HLCS: variants seen among roughly 807,000 people sequenced by gnomAD.
HLCS encodes holocarboxylase synthetase.
Under a neutral mutation model 75.0 loss-of-function variants are expected in HLCS, and 53 were observed. The observed-to-expected ratio is 0.71, with a 90% confidence interval of 0.57 to 0.89. The LOEUF (loss-of-function observed/expected upper bound fraction) is 0.89. HLCS is among the 40% of genes least tolerant of loss of function. The probability of loss-of-function intolerance (pLI) is 0.00; values close to 1 mark genes in which losing one functional copy is unlikely to be tolerated. For synonymous variants in HLCS, 431 were observed against 428.6 expected (o/e 1.01, Z -0.07); for missense variants, 966 against 1,074.0 (o/e 0.90, Z 1.41).
At chr21:36,958,273 G>GAA in intron 2 of HLCS, among the ~76,000 whole-genome samples, 1 of 150,408 alleles carries the variant, frequency 6.6e-6, no homozygotes, top group Non-Finnish European at 1.5e-5. Flanking sequence ...AAGAAAGAAA[G>GAA]AAAATTAGCC....
At chr21:36,866,383 A>C (rs1167125882) in intron 6 of HLCS, among the ~76,000 whole-genome samples, 1 of 152,256 alleles carries the variant, frequency 6.6e-6, no homozygotes, top group African/African-American at 2.4e-5. Flanking sequence ...ATAATTAGGG[A>C]AATAGCCATT....
In HLCS at chr21:36,936,973, T is replaced by G. The variant is rs2066918950; in HGVS notation, c.913A>C (p.Thr305Pro). The G allele has an allele frequency of 1.2e-6, 2 of 1,614,096 alleles. No homozygotes were observed. Among genetic ancestry groups the G allele is most frequent in the South Asian group, 2.2e-5 (2 of 91,066 alleles). The stretch of plus-strand genomic sequence containing the variant: ...AGGAGGATGTTGGGTGCCTTTCCCG[T>G]GAGGTTGACTCTCCTCCCTTCTCTT... Reference protein sequence around the residue: ...PEREGRRVNLTGKAPNILLYV... With the variant: ...PEREGRRVNLPGKAPNILLYV... Residue 305 changes from threonine to proline, a missense_variant, in exon 4 of 11, where the codon ACG becomes CCG. Physicochemically the swap from Thr to Pro is conservative, Grantham distance 38. Coordinates refer to ENST00000674895, the MANE Select transcript of HLCS (RefSeq NM_001352514.2).
Position 36,751,419 on chromosome 21 carries a change from T to A in HLCS, c.*2827A>T, listed in dbSNP as rs747359583. 3 of 152,402 alleles carry A rather than the reference T, an allele frequency of 2.0e-5. No homozygotes were observed. The highest frequency in any genetic ancestry group is 4.4e-5 in the Non-Finnish European group (3 of 68,070). The allele number at this position is 152,402 out of a possible 1,614,324, so 9.4% of individuals were successfully genotyped here. On this transcript the variant is annotated 3_prime_UTR_variant, in exon 11 of 11. Coordinates refer to ENST00000674895, the MANE Select transcript of HLCS (RefSeq NM_001352514.2). ...AAGCCCACCCTGCCTCCCTTTTCCATCTGAAGCAGTGCGGGGAGGCTGGCT... is the reference window on the plus strand; with the variant it reads ...AAGCCCACCCTGCCTCCCTTTTCCAACTGAAGCAGTGCGGGGAGGCTGGCT...
At chr21:36,960,301 G>C (rs1180767031) in intron 2 of HLCS, among the ~76,000 whole-genome samples, 1 of 152,148 alleles carries the variant, frequency 6.6e-6, no homozygotes, top group Non-Finnish European at 1.5e-5. Flanking sequence ...TTAGGCAGAA[G>C]GCACCGCTAG....
At chr21:36,821,891 G>A (rs1465007875) in intron 6 of HLCS, among the ~76,000 whole-genome samples, 1 of 152,020 alleles carries the variant, frequency 6.6e-6, no homozygotes, top group Non-Finnish European at 1.5e-5. Flanking sequence ...GGGAGGGAAG[G>A]AAAGAGAAGA....
intron 4 of HLCS, among the ~76,000 whole-genome samples, chr21:36,932,927 G>C (rs888164736): frequency 1.3e-5 from 2 of 152,152 alleles, no homozygotes; most frequent in African/African-American, 4.8e-5. Flanking sequence ...AGACCAGCCT[G>C]GACAACATGG....
At chr21:36,924,552 C>T (rs1431072272) in intron 5 of HLCS, among the ~76,000 whole-genome samples, 1 of 152,178 alleles carries the variant, frequency 6.6e-6, no homozygotes, top group Admixed American at 6.5e-5. Context: ...AAGAGCAAGA[C>T]TCCATCTCAA....
intron 6 of HLCS, among the ~76,000 whole-genome samples, chr21:36,876,735 T>G (rs190861278): frequency 3.7e-4 from 57 of 152,302 alleles, no homozygotes; most frequent in Non-Finnish European, 6.8e-4. Flanking sequence ...CAAGGTATAG[T>G]GTTCTGGAAG....
In HLCS at chr21:36,880,954, T is replaced by TTTG. The variant is rs2064184257; in HGVS notation, c.1892+15905_1892+15906insCAA. 3.6e-4 allele frequency among the ~76,000 whole-genome samples: 54 copies of TTTG among 150,212 alleles called. No homozygotes were observed. In the South Asian group the frequency reaches 4.0e-3, roughly 11 times the overall value. ...GTTGGAAGCGATGCCAGCAGAGAGT[T>TTTG]TTTGTTTGTTTGTTTGTTTGTTTGT... On this transcript the variant is annotated intron_variant, in intron 6 of 10. Coordinates refer to ENST00000674895, the MANE Select transcript of HLCS (RefSeq NM_001352514.2).
intron 5 of HLCS, among the ~76,000 whole-genome samples, chr21:36,910,204 C>T (rs1267245228): frequency 6.6e-6 from 1 of 152,234 alleles, no homozygotes; most frequent in East Asian, 1.9e-4. Context: ...GGTGTCTTCA[C>T]TCACAGGACA....
intron 4 of HLCS, among the ~76,000 whole-genome samples, chr21:36,934,389 T>A (rs892921172): frequency 6.6e-6 from 1 of 152,210 alleles, no homozygotes; most frequent in Non-Finnish European, 1.5e-5. Context: ...AATAGTGCCA[T>A]GGTTGAGAAA....
At position 36,804,046 on chromosome 21, in the gene HLCS, T is replaced by C. The variant is rs574532638; in HGVS notation, c.1893-36761A>G. 5.2e-5 allele frequency: 8 copies of C among 152,478 alleles called. No homozygotes were observed. In the South Asian group the frequency reaches 1.7e-3, roughly 32 times the overall value. The allele number at this position is 152,478 out of a possible 1,614,324, so 9.4% of individuals were successfully genotyped here. ...AGCACTCTCCCATCTGCCAGGTCAA[T>C]AAAGAATGAAGCTTAAAATTCACAG... On this transcript the variant is annotated intron_variant, in intron 6 of 10. Coordinates refer to ENST00000674895, the MANE Select transcript of HLCS (RefSeq NM_001352514.2).
chr21:36,938,839 C>A lies in HLCS; in HGVS notation c.486G>T (p.Lys162Asn). 2 of 1,614,094 alleles carry A rather than the reference C, an allele frequency of 1.2e-6. No individual in the cohort carries two copies. Among genetic ancestry groups the A allele is most frequent in the Non-Finnish European group, 1.7e-6 (2 of 1,180,032 alleles). The change falls in exon 3 of 11, where the codon AAG becomes AAT. Residue 162 changes from lysine (K) to asparagine (N), a missense_variant. Lys to Asn is a moderately conservative substitution (Grantham distance 94, BLOSUM62 0). Coordinates refer to ENST00000674895, the MANE Select transcript of HLCS (RefSeq NM_001352514.2). ...LHMDNGLVPQ[K>N]IVSVHLQDST... ...TTTTCTAAAGTTACTTACACACAAT[C>A]TTTTGGGGTACCAGTCCATTATCCA...
At chr21:36,836,924 C>G (rs902475248) in intron 6 of HLCS, among the ~76,000 whole-genome samples, 1 of 152,108 alleles carries the variant, frequency 6.6e-6, no homozygotes, top group Non-Finnish European at 1.5e-5. Flanking sequence ...GTGGTTCACG[C>G]CTGTAATCCA....
intron 6 of HLCS, among the ~76,000 whole-genome samples, chr21:36,846,228 C>T (rs2062793647): frequency 6.6e-6 from 1 of 152,094 alleles, no homozygotes; most frequent in African/African-American, 2.4e-5. Flanking sequence ...ACATAGTAGG[C>T]ACATAATAAA....
chr21:36,856,401 C>T (rs2063194715), intron 6 of HLCS, among the ~76,000 whole-genome samples: 1 of 152,168 alleles, frequency 6.6e-6, no homozygotes, highest in Non-Finnish European at 1.5e-5. Context: ...AACACTTCTG[C>T]TATTTAGACT....
At chr21:36,782,323 G>A (rs1288805440) in intron 6 of HLCS, among the ~76,000 whole-genome samples, 2 of 152,144 alleles carry the variant, frequency 1.3e-5, no homozygotes, top group African/African-American at 4.8e-5. Flanking sequence ...TCTTGAAATA[G>A]CTTTCAGAAC....
At chr21:36,831,107 A>G (rs2062194145) in intron 6 of HLCS, among the ~76,000 whole-genome samples, 1 of 152,274 alleles carries the variant, frequency 6.6e-6, no homozygotes, top group Non-Finnish European at 1.5e-5. Context: ...GGTTTTAAGA[A>G]GGGGAGAAGA....
intron 6 of HLCS, among the ~76,000 whole-genome samples, chr21:36,873,948 C>A (rs1487123592): frequency 1.3e-5 from 2 of 152,096 alleles, no homozygotes; most frequent in Non-Finnish European, 2.9e-5. Flanking sequence ...ATAGTTATTG[C>A]TTTCTGTCAT....
Sources: allele counts gnomAD v4.1 joint callset (sites outside exome capture counted in the v4.1 genomes callset), GRCh38; gene constraint gnomAD v4.1.1; transcripts MANE v1.5; gene names NCBI Gene and HGNC (gene_info 2026-07-23, HGNC 2026-07-21).